The following TTL variants were observed in gnomAD, a reference collection of about 807,000 sequenced individuals.
The protein encoded by TTL is tubulin tyrosine ligase.
Under a neutral mutation model 41.1 loss-of-function variants are expected in TTL, and 10 were observed. The observed-to-expected ratio is 0.24, with a 90% CI of 0.15 to 0.41. TTL has a LOEUF of 0.41. Among genes scored for constraint, TTL ranks in the 10% least tolerant of loss-of-function variants. TTL has a pLI of 1.00. For missense variants in TTL, 367 were observed against 460.4 expected, an observed-to-expected ratio of 0.80 and a Z score of 1.86; for synonymous variants, 175 against 175.5, an observed-to-expected ratio of 1.00 and a Z score of 0.02.
chr2:112,530,242 A>T lies in TTL; in HGVS notation c.*1447A>T, dbSNP rs1400770962. The T allele has an allele frequency of 1.3e-5, 3 of 230,526 alleles. No individual in the cohort carries two copies. Among genetic ancestry groups the T allele is most frequent in the African/African-American group, 6.6e-5 (3 of 45,208 alleles). 14.3% of individuals were successfully genotyped at this position (230,526 alleles called of 1,614,324 possible). ...TCAATGCCTCCTTGAACATGATGAG[A>T]TGTGAGAACTTACAATGAAAAAGGC... On this transcript the variant is annotated 3_prime_UTR_variant, in exon 7 of 7. Coordinates refer to ENST00000233336, the MANE Select transcript of TTL (RefSeq NM_153712.5).
rs572546445 is a variant in TTL, at chr2:112,531,351, A to C, written c.*2556A>C. 4.4e-6 allele frequency: 1 copy of C among 227,456 alleles called. No homozygotes were observed. Among genetic ancestry groups the C allele is most frequent in the African/African-American group, 2.2e-5 (1 of 45,128 alleles). 14.1% of individuals were successfully genotyped at this position (227,456 alleles called of 1,614,324 possible). On this transcript the variant is annotated 3_prime_UTR_variant, in exon 7 of 7. Transcript: ENST00000233336. The stretch of plus-strand genomic sequence containing the variant: ...TCATGGTTCTGTCATTTGACTGCAC[A>C]GTATCAGAGGAGCCTGTTAACCTCT...
intron 5 of TTL, among the ~76,000 whole-genome samples, chr2:112,518,507 A>C (rs1193089570): frequency 6.6e-6 from 1 of 152,026 alleles, no homozygotes; most frequent in Non-Finnish European, 1.5e-5. Context: ...AGGAAAAAAG[A>C]AAAGGAGATT....
At position 112,509,712 on chromosome 2, in the gene TTL, T is replaced by A. The variant is rs558360282; in HGVS notation, c.875+6531T>A. ...CACACACACTGGCCTGCGCCCACTGTCTGGCACTCCCTAGTGAGATGAACC... is the reference window on the plus strand; with the variant it reads ...CACACACACTGGCCTGCGCCCACTGACTGGCACTCCCTAGTGAGATGAACC... On this transcript the variant is annotated intron_variant, in intron 5 of 6. Coordinates refer to ENST00000233336, the MANE Select transcript of TTL (RefSeq NM_153712.5). Among the ~76,000 whole-genome samples, 4 of 152,340 alleles carry A rather than the reference T, an allele frequency of 2.6e-5. No individual in the cohort carries two copies. The South Asian group carries it at 8.3e-4, about 32-fold the overall frequency.
intron 2 of TTL, 89 bp downstream of exon 2, chr2:112,486,084 T>C: frequency 3.0e-6 from 4 of 1,338,528 alleles, no homozygotes; most frequent in Non-Finnish European, 4.2e-6. Context: ...AAACATACTT[T>C]TATTTTAAAA....
At chr2:112,484,168 A>T (rs1008268527) in intron 1 of TTL, among the ~76,000 whole-genome samples, 2 of 151,642 alleles carry the variant, frequency 1.3e-5, no homozygotes, top group East Asian at 1.9e-4. Flanking sequence ...CCAGAATTTG[A>T]ATCCTGAACA....
At chr2:112,513,178 T>TTA (rs1489994760) in intron 5 of TTL, among the ~76,000 whole-genome samples, 2 of 152,042 alleles carry the variant, frequency 1.3e-5, no homozygotes, top group African/African-American at 4.8e-5. Context: ...ATCAACAGTT[T>TTA]TATATATATA....
intron 2 of TTL, among the ~76,000 whole-genome samples, chr2:112,492,472 T>C (rs1681414441): frequency 6.6e-6 from 1 of 151,898 alleles, no homozygotes; most frequent in Admixed American, 6.6e-5. Context: ...GGCTCACGCC[T>C]GTAATCCCAG....
intron 2 of TTL, among the ~76,000 whole-genome samples, chr2:112,492,178 C>T (rs528970019): frequency 6.6e-6 from 1 of 152,242 alleles, no homozygotes; most frequent in Non-Finnish European, 1.5e-5. Flanking sequence ...GACACATGGC[C>T]CTGACGTGCA....
intron 3 of TTL, among the ~76,000 whole-genome samples, 175 bp downstream of exon 3, chr2:112,494,550 T>G (rs1011810115): frequency 1.8e-4 from 27 of 152,206 alleles, no homozygotes; most frequent in Non-Finnish European, 5.9e-5. Context: ...TCCAGTATGG[T>G]CTTTTCCTTT....
At chr2:112,484,911 A>C (rs1048177027) in intron 1 of TTL, among the ~76,000 whole-genome samples, 1 of 152,234 alleles carries the variant, frequency 6.6e-6, no homozygotes, top group Non-Finnish European at 1.5e-5. Context: ...GTTACTGGAA[A>C]TACAGTGTGT....
intron 6 of TTL, 26 bp from the exon 7 acceptor site, chr2:112,528,655 A>G (rs761973593): frequency 2.8e-5 from 44 of 1,577,212 alleles, no homozygotes; most frequent in Middle Eastern, 3.3e-4. Flanking sequence ...AACATCCTCA[A>G]TGATATTTTT....
rs972283413 is a variant in TTL, at chr2:112,540,009, G to T, written c.*11214G>T. 1 of 152,160 alleles carries T rather than the reference G, an allele frequency of 6.6e-6. No homozygotes were observed. Among genetic ancestry groups the T allele is most frequent in the African/African-American group, 2.4e-5 (1 of 41,442 alleles). The allele number at this position is 152,160 out of a possible 1,614,324, so 9.4% of individuals were successfully genotyped here. Reference sequence around the variant, plus strand: ...CAAAACATCTCTGAAAGAAATTAAAGAACACCTAAATAAATGGAAAGACAT... The same window carrying T: ...CAAAACATCTCTGAAAGAAATTAAATAACACCTAAATAAATGGAAAGACAT... On this transcript the variant is annotated 3_prime_UTR_variant, in exon 7 of 7. Coordinates refer to ENST00000233336, the MANE Select transcript of TTL (RefSeq NM_153712.5).
intron 6 of TTL, among the ~76,000 whole-genome samples, chr2:112,526,139 C>T (rs953654893): frequency 6.6e-6 from 1 of 152,184 alleles, no homozygotes; most frequent in African/African-American, 2.4e-5. Flanking sequence ...ATGAAGCCCA[C>T]TTGATCATGG....
chr2:112,503,775 T>G (rs570355587), intron 5 of TTL, among the ~76,000 whole-genome samples: 1 of 148,448 alleles, frequency 6.7e-6, no homozygotes, highest in East Asian at 2.0e-4. Flanking sequence ...ACAATGTCAG[T>G]CTACTTCTCA....
rs2104489719 is a variant in TTL, at chr2:112,540,128, A to G, written c.*11333A>G. 1 of 152,334 alleles carries G rather than the reference A, an allele frequency of 6.6e-6. No homozygotes were observed. Among genetic ancestry groups the G allele is most frequent in the East Asian group, 1.9e-4 (1 of 5,186 alleles). 9.4% of individuals were successfully genotyped at this position (152,334 alleles called of 1,614,324 possible). On this transcript the variant is annotated 3_prime_UTR_variant, in exon 7 of 7. Transcript: ENST00000233336. Reference sequence around the variant, plus strand: ...GAACACAATCCTGATCAAGAATCTCAGCCTTCTTTGCAGAAATTGACAAGC... The same window carrying G: ...GAACACAATCCTGATCAAGAATCTCGGCCTTCTTTGCAGAAATTGACAAGC...
chr2:112,527,266 G>C (rs959578431), intron 6 of TTL, among the ~76,000 whole-genome samples: 4 of 152,212 alleles, frequency 2.6e-5, no homozygotes, highest in African/African-American at 7.2e-5. Context: ...GAGATATGTG[G>C]TGCTGAGAAG....
At chr2:112,486,897 T>G (rs1213221484) in intron 2 of TTL, among the ~76,000 whole-genome samples, 1 of 152,208 alleles carries the variant, frequency 6.6e-6, no homozygotes, top group East Asian at 1.9e-4. Context: ...TACCTAAGGT[T>G]GTTATGAGGA....
intron 2 of TTL, among the ~76,000 whole-genome samples, chr2:112,493,591 G>A (rs889816143): frequency 5.3e-5 from 8 of 152,158 alleles, no homozygotes; most frequent in African/African-American, 1.9e-4. Flanking sequence ...GGAGCAGGAG[G>A]TATATTTCAC....
At chr2:112,524,715 G>A (rs1682328599) in intron 6 of TTL, among the ~76,000 whole-genome samples, 1 of 152,190 alleles carries the variant, frequency 6.6e-6, no homozygotes, top group Non-Finnish European at 1.5e-5. Context: ...TGGGTAGATT[G>A]TAAAAATTTT....
Sources: gnomAD v4.1 joint callset for allele counts (sites outside exome capture counted in the v4.1 genomes callset) on GRCh38, gnomAD v4.1.1 for gene constraint, MANE v1.5 for transcripts, NCBI Gene and HGNC (gene_info 2026-07-23, HGNC 2026-07-21) for gene names.